Variants in PCDHA9 observed in about 807,000 individuals in gnomAD.
PCDHA9 encodes the protein protocadherin alpha-9.
A neutral mutation model predicts 62.0 loss-of-function variants in PCDHA9; 62 were observed. That is an observed-to-expected ratio of 1.00 (90% CI 0.81 to 1.23). PCDHA9 has a LOEUF of 1.23. Ranked by LOEUF, PCDHA9 falls within the 50% of genes most tolerant of loss-of-function variation. The pLI, the probability that PCDHA9 is intolerant of heterozygous loss-of-function variation, is 0.00. For synonymous variants in PCDHA9, 557 were observed against 567.6 expected, an observed-to-expected ratio of 0.98 and a Z score of 0.27; for missense variants, 1,205 against 1,249.8, an observed-to-expected ratio of 0.96 and a Z score of 0.54.
chr5:140,881,318 C>G (rs970806128), intron 1 of PCDHA9: 20 of 977,252 alleles, frequency 2.0e-5, no homozygotes, highest in East Asian at 2.3e-4. Context: ...TGGTTAAATT[C>G]TATTTAACCA....
intron 1 of PCDHA9, among the ~76,000 whole-genome samples, chr5:140,921,897 A>G (rs1414353237): frequency 2.0e-5 from 3 of 152,124 alleles, no homozygotes; most frequent in Non-Finnish European, 2.9e-5. Flanking sequence ...AAAGGAGGAT[A>G]AATATATATT....
At chr5:140,857,963 A>G (rs630162) in intron 1 of PCDHA9, 997,914 of 1,595,004 alleles carry the variant, frequency 0.63, 344,648 homozygotes, top group African/African-American at 0.69. Context: ...TCTGGATGAG[A>G]CTGACTCGCC....
At chr5:140,885,427 G>A (rs1276398573) in intron 1 of PCDHA9, among the ~76,000 whole-genome samples, 1 of 152,092 alleles carries the variant, frequency 6.6e-6, no homozygotes, top group Admixed American at 6.5e-5. Flanking sequence ...ATTCCACAGT[G>A]TAAGTGTGCA....
chr5:140,914,073 C>T (rs1314205032), intron 1 of PCDHA9, among the ~76,000 whole-genome samples: 2 of 152,120 alleles, frequency 1.3e-5, no homozygotes, highest in Non-Finnish European at 2.9e-5. Flanking sequence ...TGCTCCATAA[C>T]TATCTATTAG....
intron 3 of PCDHA9, among the ~76,000 whole-genome samples, chr5:140,984,759 T>C (rs2097119018): frequency 6.6e-6 from 1 of 152,184 alleles, no homozygotes; most frequent in Non-Finnish European, 1.5e-5. Context: ...AGTTGAATTC[T>C]AATCCCAAGC....
chr5:140,931,259 CTATT>C (rs1407255574), intron 1 of PCDHA9, among the ~76,000 whole-genome samples: 2 of 152,080 alleles, frequency 1.3e-5, no homozygotes, highest in African/African-American at 4.8e-5. Flanking sequence ...AGAAATTTCA[CTATT>C]TATTTCTTTT....
At chr5:140,887,544 CATGG>C (rs2061491541) in intron 1 of PCDHA9, among the ~76,000 whole-genome samples, 2 of 152,098 alleles carry the variant, frequency 1.3e-5, no homozygotes, top group Non-Finnish European at 2.9e-5. Context: ...CCCCACCCCT[CATGG>C]TTACTGTTAA....
chr5:140,914,944 CTTTTT>C (rs35695909), intron 1 of PCDHA9, among the ~76,000 whole-genome samples: 1 of 128,266 alleles, frequency 7.8e-6, no homozygotes, highest in Non-Finnish European at 1.7e-5. Context: ...GAAAAGTTGT[CTTTTT>C]TTTTTTTTTT....
rs76033389 is a variant in PCDHA9, at chr5:140,874,549, G to A, written c.2394+23660G>A. Among the ~76,000 whole-genome samples, 707 of 152,298 alleles carry A rather than the reference G, an allele frequency of 4.6e-3. 3 individuals are homozygous for A. The highest frequency in any genetic ancestry group is 0.016 in the African/African-American group (683 of 41,566). On this transcript the variant is annotated intron_variant, in intron 1 of 3. Transcript: ENST00000532602. ...GATTAGGCTCCAAAACCCTTTAAGA[G>A]ATCTTTCGCATTTTAGTGCTCCATT...
chr5:140,954,505 A>G (rs1011072156), intron 1 of PCDHA9, among the ~76,000 whole-genome samples: 2 of 152,082 alleles, frequency 1.3e-5, no homozygotes, highest in Non-Finnish European at 2.9e-5. Flanking sequence ...TTTGATTTGC[A>G]TTTACCTAAT....
chr5:140,966,190 C>G (rs1251814900), intron 1 of PCDHA9: 1 of 203,228 alleles, frequency 4.9e-6, no homozygotes, highest in Non-Finnish European at 9.7e-6. Context: ...AGCCAGACTT[C>G]TAGGGGCTTG....
At chr5:140,871,183 G>A (rs782647681) in intron 1 of PCDHA9, 2 of 1,613,586 alleles carry the variant, frequency 1.2e-6, no homozygotes, top group South Asian at 2.2e-5. Flanking sequence ...TGCGCTGGTG[G>A]ATGTCAACGT....
intron 1 of PCDHA9, among the ~76,000 whole-genome samples, chr5:140,972,775 T>C (rs1277210789): frequency 6.6e-6 from 1 of 151,656 alleles, no homozygotes; most frequent in Non-Finnish European, 1.5e-5. Context: ...GTGATTCTTC[T>C]GCCTCAGCCT....
rs568789486 is a variant in PCDHA9 at position 140,896,494 on chromosome 5, C to G, written c.2394+45605C>G. 6.6e-5 allele frequency among the ~76,000 whole-genome samples: 10 copies of G among 151,966 alleles called. No individual in the cohort carries two copies. In the East Asian group the frequency reaches 1.9e-3, roughly 29 times the overall value. On this transcript the variant is annotated intron_variant, in intron 1 of 3. Coordinates refer to ENST00000532602, the MANE Select transcript of PCDHA9 (RefSeq NM_031857.2). The stretch of plus-strand genomic sequence containing the variant: ...TCTCCTGCCTCAGCCTCCTGAGTAG[C>G]TGGGACTGTGCAGGCACACACCACA...
chr5:140,869,810 A>T lies in PCDHA9; in HGVS notation c.2394+18921A>T, dbSNP rs2051437780. On this transcript the variant is annotated intron_variant, in intron 1 of 3. Transcript: ENST00000532602. ...CTGTTAGTCCAAGTCTTGGATGTCA[A>T]CGACAATGATCCAGAGTTTGATAAA... The T allele has an allele frequency of 6.2e-7, 1 of 1,612,624 alleles. No individual in the cohort carries two copies.
chr5:140,916,819 C>T (rs2077741305), intron 1 of PCDHA9, among the ~76,000 whole-genome samples: 1 of 152,084 alleles, frequency 6.6e-6, no homozygotes, highest in Non-Finnish European at 1.5e-5. Context: ...CATGTGCCAC[C>T]CCTATCCCTC....
intron 1 of PCDHA9, chr5:140,858,448 C>A (rs1554151646): frequency 3.3e-6 from 5 of 1,532,196 alleles, no homozygotes; most frequent in African/African-American, 1.4e-5. Context: ...TGGGTTATTA[C>A]GTTTTCATTT....
intron 1 of PCDHA9, chr5:140,875,963 T>C: frequency 4.3e-6 from 7 of 1,614,122 alleles, no homozygotes; most frequent in Non-Finnish European, 5.9e-6. Context: ...GATATCGGCG[T>C]AAACTCTCTT....
Position 140,850,095 on chromosome 5 carries a change from C to G in PCDHA9, c.1600C>G (p.Gln534Glu), listed in dbSNP as rs139719626. The G allele has an allele frequency of 2.5e-3, 3,966 of 1,596,304 alleles. 379 individuals carry two copies. Among genetic ancestry groups the G allele is most frequent in the Non-Finnish European group, 3.1e-3 (3,638 of 1,167,768 alleles). Residue 534 changes from glutamine to glutamate, a missense_variant, in exon 1 of 4, where the codon CAG becomes GAG. Transcript: ENST00000532602. Reference sequence around the variant, plus strand: ...CGAGGAGCTGGAGCTGCTACAGTTCCAGGTGAGCGCGCGCGACGCGGGCGT... The same window carrying G: ...CGAGGAGCTGGAGCTGCTACAGTTCGAGGTGAGCGCGCGCGACGCGGGCGT... ...DHEELELLQF[Q>E]VSARDAGVPP...
Sources: allele counts gnomAD v4.1 joint callset (sites outside exome capture counted in the v4.1 genomes callset), GRCh38; gene constraint gnomAD v4.1.1; transcripts MANE v1.5; gene names NCBI Gene and HGNC (gene_info 2026-07-23, HGNC 2026-07-21).